RIMS2: variants seen among roughly 807,000 people sequenced by gnomAD.
RIMS2 encodes the protein regulating synaptic membrane exocytosis 2, also known as regulating synaptic membrane exocytosis protein 2.
Under a neutral mutation model 174.4 loss-of-function variants are expected in RIMS2, and 59 were observed. The observed-to-expected ratio is 0.34, with a 90% CI of 0.27 to 0.42. RIMS2 has a LOEUF of 0.42. Among genes scored for constraint, RIMS2 ranks in the 10% least tolerant of loss-of-function variants. RIMS2 has a pLI of 1.00. For missense variants in RIMS2, 1,620 were observed against 1,666.3 expected (o/e 0.97, Z 0.48); for synonymous variants, 606 against 572.5 (o/e 1.06, Z -0.84).
intron 19 of RIMS2, among the ~76,000 whole-genome samples, chr8:104,135,002 T>G (rs939950205): frequency 2.8e-5 from 4 of 144,440 alleles, no homozygotes; most frequent in Non-Finnish European, 6.1e-5. Context: ...TGAGCTTATT[T>G]TTGGTGCAAA....
chr8:103,629,270 G>A (rs1222782657), intron 1 of RIMS2, among the ~76,000 whole-genome samples: 1 of 152,144 alleles, frequency 6.6e-6, no homozygotes, highest in African/African-American at 2.4e-5. Flanking sequence ...AGGGTTAGAG[G>A]GAAGAATTTT....
intron 19 of RIMS2, among the ~76,000 whole-genome samples, chr8:104,127,364 A>C (rs888551417): frequency 9.9e-5 from 15 of 152,192 alleles, no homozygotes; most frequent in African/African-American, 3.6e-4. Context: ...ACATCTCTTG[A>C]GTCTTACCCA....
chr8:104,025,937 T>C (rs1370355463), intron 19 of RIMS2, among the ~76,000 whole-genome samples: 1 of 152,182 alleles, frequency 6.6e-6, no homozygotes, highest in Non-Finnish European at 1.5e-5. Context: ...AGCAATAAGC[T>C]ATATCAAATA....
chr8:103,853,076 T>C (rs2099008135), intron 3 of RIMS2, among the ~76,000 whole-genome samples: 1 of 152,096 alleles, frequency 6.6e-6, no homozygotes, highest in Non-Finnish European at 1.5e-5. Context: ...ATCTGGGGTT[T>C]TTTTTGTTTG....
At chr8:103,997,801 A>G (rs907298250) in intron 17 of RIMS2, among the ~76,000 whole-genome samples, 3 of 151,628 alleles carry the variant, frequency 2.0e-5, no homozygotes, top group African/African-American at 4.8e-5. Flanking sequence ...CCCAACTTTT[A>G]TAAGTATTTG....
At position 103,570,629 on chromosome 8, in the gene RIMS2, C is replaced by T. The variant is rs527933783; in HGVS notation, c.176+69567C>T. On this transcript the variant is annotated intron_variant, in intron 1 of 23. Transcript: ENST00000504942. ...TTTTATTTCTTGGTAGCATAGTCCC[C>T]GGTTGTTAGCATGATCCCTGATAAC... 5.9e-5 allele frequency among the ~76,000 whole-genome samples: 9 copies of T among 152,138 alleles called. No homozygotes were observed. In the East Asian group the frequency reaches 7.7e-4, roughly 13 times the overall value.
At chr8:104,153,385 A>T (rs2098702074) in intron 19 of RIMS2, among the ~76,000 whole-genome samples, 1 of 152,158 alleles carries the variant, frequency 6.6e-6, no homozygotes, top group South Asian at 2.1e-4. Context: ...TGGAATTGAC[A>T]CGTGCTATCC....
At chr8:104,095,152 GA>G (rs1566344669) in intron 19 of RIMS2, among the ~76,000 whole-genome samples, 2 of 152,064 alleles carry the variant, frequency 1.3e-5, no homozygotes, top group Non-Finnish European at 2.9e-5. Flanking sequence ...TGAAGTGGCT[GA>G]AAAAAATTGA....
At chr8:103,659,837 C>T (rs1338711724) in intron 1 of RIMS2, among the ~76,000 whole-genome samples, 2 of 152,186 alleles carry the variant, frequency 1.3e-5, no homozygotes, top group African/African-American at 2.4e-5. Flanking sequence ...AGTGGCACTT[C>T]CAAAAAATCA....
intron 16 of RIMS2, 35 bp downstream of exon 18, chr8:103,975,541 C>G: frequency 6.5e-7 from 1 of 1,534,252 alleles, no homozygotes; most frequent in Admixed American, 1.7e-5. Flanking sequence ...TGTAGGGTGG[C>G]TGTATTAGTC....
At chr8:103,961,634 T>A (rs1424771186) in intron 15 of RIMS2, among the ~76,000 whole-genome samples, 2 of 152,168 alleles carry the variant, frequency 1.3e-5, no homozygotes, top group African/African-American at 4.8e-5. Flanking sequence ...ACTTATCCAA[T>A]GGTTTAATAT....
intron 1 of RIMS2, among the ~76,000 whole-genome samples, chr8:103,506,626 T>C (rs1033656140): frequency 1.3e-5 from 2 of 152,192 alleles, no homozygotes. Flanking sequence ...TAAATAATCA[T>C]TATTGTTAAC....
At chr8:103,809,387 T>G (rs1363421385) in intron 3 of RIMS2, among the ~76,000 whole-genome samples, 1 of 152,130 alleles carries the variant, frequency 6.6e-6, no homozygotes, top group African/African-American at 2.4e-5. Flanking sequence ...ATATAATTTC[T>G]TAGTCTCTGT....
At chr8:103,609,263 G>A (rs780531510) in intron 1 of RIMS2, among the ~76,000 whole-genome samples, 4 of 152,102 alleles carry the variant, frequency 2.6e-5, no homozygotes, top group Admixed American at 1.3e-4. Context: ...TTAGAGCTTC[G>A]TTGGATGTAT....
intron 1 of RIMS2, among the ~76,000 whole-genome samples, 163 bp from the exon 3 acceptor site, chr8:103,652,461 A>C (rs1284235037): frequency 6.6e-6 from 1 of 152,172 alleles, no homozygotes; most frequent in East Asian, 1.9e-4. Flanking sequence ...TAAGTGTTCA[A>C]ATTTAATTTC....
intron 19 of RIMS2, among the ~76,000 whole-genome samples, chr8:104,052,323 G>C (rs2096799964): frequency 6.6e-6 from 1 of 152,062 alleles, no homozygotes; most frequent in Non-Finnish European, 1.5e-5. Context: ...TACTCAAATG[G>C]TTCTAATATG....
At chr8:103,512,220 C>T (rs973596589) in intron 1 of RIMS2, among the ~76,000 whole-genome samples, 4 of 152,130 alleles carry the variant, frequency 2.6e-5, no homozygotes, top group African/African-American at 4.8e-5. Flanking sequence ...CCTTTAATGT[C>T]ACTATGGCTC....
intron 1 of RIMS2, among the ~76,000 whole-genome samples, chr8:103,577,640 A>G (rs1415781647): frequency 6.6e-6 from 1 of 152,222 alleles, no homozygotes; most frequent in Admixed American, 6.5e-5. Context: ...TAATACAGTT[A>G]CTGTGTGATC....
intron 3 of RIMS2, among the ~76,000 whole-genome samples, chr8:103,799,812 G>GT (rs934512707): frequency 6.6e-6 from 1 of 151,408 alleles, no homozygotes; most frequent in Non-Finnish European, 1.5e-5. Context: ...TTTGTCTGTT[G>GT]TTTTTTTTAG....
Sources: gnomAD v4.1 joint callset for allele counts (sites outside exome capture counted in the v4.1 genomes callset) on GRCh38, gnomAD v4.1.1 for gene constraint, MANE v1.5 for transcripts, NCBI Gene and HGNC (gene_info 2026-07-23, HGNC 2026-07-21) for gene names.